The following ROBO1 variants were observed in gnomAD, a reference collection of about 807,000 sequenced individuals.
The protein encoded by ROBO1 is roundabout guidance receptor 1.
Under a neutral mutation model 195.9 loss-of-function variants are expected in ROBO1, and 149 were observed. The observed-to-expected ratio is 0.76, with a 90% CI of 0.67 to 0.87. The LOEUF (loss-of-function observed/expected upper bound fraction) is 0.87, where lower values mean the gene tolerates loss of function less well. ROBO1 is among the 40% of genes least tolerant of loss of function. ROBO1 has a pLI of 0.00. For synonymous variants in ROBO1, 816 were observed against 733.2 expected, an observed-to-expected ratio of 1.11 and a Z score of -1.82; for missense variants, 1,933 against 2,068.3, an observed-to-expected ratio of 0.93 and a Z score of 1.27.
At chr3:78,824,809 C>T (rs1030829771) in intron 4 of ROBO1, among the ~76,000 whole-genome samples, 1 of 152,006 alleles carries the variant, frequency 6.6e-6, no homozygotes, top group Non-Finnish European at 1.5e-5. Flanking sequence ...AGTAATAAAG[C>T]ACAGATATAG....
intron 3 of ROBO1, among the ~76,000 whole-genome samples, chr3:79,013,334 T>G (rs2077835102): frequency 6.6e-6 from 1 of 152,222 alleles, no homozygotes; most frequent in Non-Finnish European, 1.5e-5. Context: ...GACAATGTTT[T>G]GAATCACATT....
At chr3:79,258,053 T>C (rs1167725057) in intron 2 of ROBO1, among the ~76,000 whole-genome samples, 1 of 152,146 alleles carries the variant, frequency 6.6e-6, no homozygotes, top group East Asian at 1.9e-4. Flanking sequence ...TTTTCCTGTC[T>C]TGAAATGTGC....
chr3:79,731,228 G>T (rs1334417365), intron 1 of ROBO1, among the ~76,000 whole-genome samples: 1 of 152,180 alleles, frequency 6.6e-6, no homozygotes, highest in Non-Finnish European at 1.5e-5. Flanking sequence ...TGTGAAGGCA[G>T]AATGAGTGCC....
intron 1 of ROBO1, among the ~76,000 whole-genome samples, chr3:79,666,485 T>C (rs147876813): frequency 6.6e-6 from 1 of 152,064 alleles, no homozygotes; most frequent in East Asian, 1.9e-4. Context: ...GTAGCTCCCA[T>C]AATTCCCACG....
rs547303281 is a variant in ROBO1 at position 79,084,806 on chromosome 3, A to G, written c.172+40650T>C. 1.2e-4 allele frequency among the ~76,000 whole-genome samples: 19 copies of G among 152,312 alleles called. No individual in the cohort carries two copies. In the South Asian group the frequency reaches 3.9e-3, roughly 32 times the overall value. ...CAGGTCCCAAGACAGTGTCCAGCAC[A>G]CAAGAGGATTCAGTAAAATTTAGTT... is the stretch of plus-strand genomic sequence containing the variant. On this transcript the variant is annotated intron_variant, in intron 3 of 30. Coordinates refer to ENST00000464233, the MANE Select transcript of ROBO1 (RefSeq NM_002941.4).
intron 2 of ROBO1, among the ~76,000 whole-genome samples, chr3:79,410,934 G>A (rs1431459556): frequency 6.6e-6 from 1 of 152,084 alleles, no homozygotes; most frequent in Non-Finnish European, 1.5e-5. Context: ...TTAGCAATTA[G>A]CTTCAAGCCT....
At chr3:79,502,320 G>A (rs1043972047) in intron 2 of ROBO1, among the ~76,000 whole-genome samples, 4 of 152,182 alleles carry the variant, frequency 2.6e-5, no homozygotes, top group Non-Finnish European at 4.4e-5. Flanking sequence ...AGTTCCGGGT[G>A]GGCGGGGGCT....
intron 1 of ROBO1, among the ~76,000 whole-genome samples, chr3:79,734,129 A>AT (rs1294983190): frequency 1.3e-5 from 2 of 151,832 alleles, no homozygotes; most frequent in Non-Finnish European, 2.9e-5. Context: ...TGTATTTTTA[A>AT]TAGTGACGGG....
In ROBO1 at chr3:78,668,498, T is replaced by C. The variant is rs374558832; in HGVS notation, c.1616A>G (p.Tyr539Cys). The part of the protein sequence containing the change: ...TPSGEATWSA[Y>C]IEVQEFGVPV... ...ATTTACTTTACCTTGAACTTCAATG[T>C]AAGCACTCCATGTTGCTTCACCACT... is the stretch of plus-strand genomic sequence containing the variant. The change falls in exon 12 of 31, where the codon TAC becomes TGC. Residue 539 changes from tyrosine to cysteine, a missense_variant. By Grantham distance (194) the Tyr-to-Cys change is radical. This residue lies in a region of ROBO1 where 1,737 missense variants were observed against 1,882.5 expected (regional missense o/e 0.92). Transcript: ENST00000464233. 1.1e-4 allele frequency: 175 copies of C among 1,613,754 alleles called. No individual in the cohort carries two copies. The highest frequency in any genetic ancestry group is 1.5e-4 in the Non-Finnish European group (173 of 1,179,820).
chr3:79,017,450 A>AGT (rs60522056), intron 3 of ROBO1, among the ~76,000 whole-genome samples: 30,364 of 133,220 alleles, frequency 0.23, 3,255 homozygotes, highest in Non-Finnish European at 0.25. Context: ...TCCGAGGTGC[A>AGT]GTGTGTGTGT....
chr3:79,217,628 T>A (rs1428325417), intron 2 of ROBO1, among the ~76,000 whole-genome samples: 1 of 151,950 alleles, frequency 6.6e-6, no homozygotes, highest in African/African-American at 2.4e-5. Context: ...ATGTCTACAT[T>A]TTTTCTTGAG....
chr3:78,608,334 A>G (rs775153944), intron 28 of ROBO1, among the ~76,000 whole-genome samples: 43 of 152,058 alleles, frequency 2.8e-4, no homozygotes, highest in Admixed American at 5.2e-4. Flanking sequence ...TCGAACTCCT[A>G]TGCTCAAGCC....
intron 2 of ROBO1, among the ~76,000 whole-genome samples, chr3:79,153,041 G>A (rs1159146024): frequency 6.6e-6 from 1 of 151,744 alleles, no homozygotes; most frequent in Admixed American, 6.6e-5. Context: ...CATTCAGTGG[G>A]ACACAATCCA....
intron 3 of ROBO1, among the ~76,000 whole-genome samples, chr3:79,067,839 G>A (rs966187322): frequency 1.3e-5 from 2 of 151,898 alleles, no homozygotes; most frequent in African/African-American, 4.8e-5. Flanking sequence ...AACTCACAAG[G>A]GTACAGTCAA....
At chr3:79,261,024 C>T (rs896792997) in intron 2 of ROBO1, among the ~76,000 whole-genome samples, 1 of 152,006 alleles carries the variant, frequency 6.6e-6, no homozygotes, top group Admixed American at 6.6e-5. Context: ...ACTGAAGTTA[C>T]CATTTTTAGT....
intron 2 of ROBO1, among the ~76,000 whole-genome samples, chr3:79,142,481 G>C (rs2080548774): frequency 1.3e-5 from 2 of 152,086 alleles, no homozygotes; most frequent in African/African-American, 4.8e-5. Flanking sequence ...CCTTCCTTCT[G>C]CACCCTCTGC....
chr3:79,634,544 GAATT>G (rs1560056919), intron 1 of ROBO1, among the ~76,000 whole-genome samples: 3 of 152,064 alleles, frequency 2.0e-5, no homozygotes, highest in African/African-American at 4.8e-5. Context: ...GATTGCTAAA[GAATT>G]AATATCTCAT....
At chr3:78,972,892 G>A (rs1254609060) in intron 3 of ROBO1, among the ~76,000 whole-genome samples, 1 of 152,156 alleles carries the variant, frequency 6.6e-6, no homozygotes, top group Admixed American at 6.5e-5. Context: ...ACCTGGAGCT[G>A]GCAGGGGAAA....
At chr3:79,608,675 C>T (rs76680081) in intron 1 of ROBO1, among the ~76,000 whole-genome samples, 4,980 of 151,920 alleles carry the variant, frequency 0.033, 274 homozygotes, top group African/African-American at 0.12. Flanking sequence ...TTTATTTTGG[C>T]ATCATGTAAA....
Sources: allele counts gnomAD v4.1 joint callset (sites outside exome capture counted in the v4.1 genomes callset), GRCh38; gene constraint gnomAD v4.1.1; regional missense constraint gnomAD v4.1.1; transcripts MANE v1.5; gene names NCBI Gene and HGNC (gene_info 2026-07-23, HGNC 2026-07-21).